The following FTCDNL1 variants were observed in gnomAD, a reference collection of about 807,000 sequenced individuals.
The protein encoded by FTCDNL1 is formiminotransferase cyclodeaminase N-terminal like.
In FTCDNL1, 11 loss-of-function variants were observed where a neutral mutation model predicts 5.9. The observed-to-expected ratio is 1.87, with a 90% CI of 1.18 to 3.10. The LOEUF (loss-of-function observed/expected upper bound fraction) is 3.10, where lower values mean the gene tolerates loss of function less well. Ranked by LOEUF, FTCDNL1 falls within the 30% of genes most tolerant of loss-of-function variation. The pLI, the probability that FTCDNL1 is intolerant of heterozygous loss-of-function variation, is 0.00. For missense variants in FTCDNL1, 115 were observed against 65.5 expected (o/e 1.76, Z -2.61); for synonymous variants, 58 against 24.8 (o/e 2.34, Z -3.99).
At chr2:199,824,155 G>C (rs1039603941) in intron 3 of FTCDNL1, among the ~76,000 whole-genome samples, 1 of 152,164 alleles carries the variant, frequency 6.6e-6, no homozygotes, top group African/African-American at 2.4e-5. Context: ...CAGGCTCCTG[G>C]GTAACTTGTT....
chr2:199,773,200 T>A (rs1430233196), intron 3 of FTCDNL1, among the ~76,000 whole-genome samples: 1 of 152,148 alleles, frequency 6.6e-6, no homozygotes, highest in African/African-American at 2.4e-5. Flanking sequence ...AACTCTTCAC[T>A]CTCAAGCCAA....
the FTCDNL1 span, among the ~76,000 whole-genome samples, chr2:199,697,724 A>G: frequency 6.6e-6 from 1 of 152,170 alleles, no homozygotes; most frequent in Non-Finnish European, 1.5e-5. Context: ...TACACAATCA[A>G]CTCTACATAA....
At chr2:199,822,014 A>G (rs983874337) in intron 3 of FTCDNL1, among the ~76,000 whole-genome samples, 1 of 152,252 alleles carries the variant, frequency 6.6e-6, no homozygotes, top group Non-Finnish European at 1.5e-5. Flanking sequence ...TTGGTTTCCC[A>G]GTGCATATAA....
the FTCDNL1 span, among the ~76,000 whole-genome samples, chr2:199,733,364 GTA>G: frequency 1.3e-5 from 2 of 152,204 alleles, no homozygotes; most frequent in Non-Finnish European, 2.9e-5. Flanking sequence ...ACAGAGGCTA[GTA>G]ATGGTGCAAG....
intron 4 of FTCDNL1, among the ~76,000 whole-genome samples, chr2:199,814,762 C>A (rs1357053055): frequency 1.3e-5 from 2 of 152,178 alleles, no homozygotes; most frequent in Non-Finnish European, 2.9e-5. Flanking sequence ...TAAAAATAGG[C>A]TCCCTAAAAC....
At chr2:199,771,828 T>C (rs945248430) in intron 3 of FTCDNL1, among the ~76,000 whole-genome samples, 5 of 152,204 alleles carry the variant, frequency 3.3e-5, no homozygotes, top group Admixed American at 3.3e-4. Context: ...AATATACTAC[T>C]TCCCCCCTTA....
At chr2:199,725,917 T>A in the FTCDNL1 span, among the ~76,000 whole-genome samples, 1 of 152,226 alleles carries the variant, frequency 6.6e-6, no homozygotes, top group African/African-American at 2.4e-5. Context: ...ATTTCCTGAA[T>A]TTGAATGTTG....
At chr2:199,685,634 C>A in the FTCDNL1 span, among the ~76,000 whole-genome samples, 1 of 152,156 alleles carries the variant, frequency 6.6e-6, no homozygotes, top group Admixed American at 6.5e-5. Context: ...GTTACCCAGA[C>A]AAGTTGCAAT....
chr2:199,836,360 C>T (rs748773830), intron 3 of FTCDNL1, among the ~76,000 whole-genome samples: 15 of 151,928 alleles, frequency 9.9e-5, no homozygotes, highest in Non-Finnish European at 1.9e-4. Flanking sequence ...TTTGTAGAGA[C>T]GAGGTCTCCC....
At chr2:199,769,010 A>G (rs1475200250) in intron 3 of FTCDNL1, among the ~76,000 whole-genome samples, 1 of 152,086 alleles carries the variant, frequency 6.6e-6, no homozygotes, top group East Asian at 1.9e-4. Flanking sequence ...TGCTGCAATC[A>G]AGGGGACACT....
the FTCDNL1 span, among the ~76,000 whole-genome samples, chr2:199,705,718 T>C: frequency 5.9e-5 from 9 of 151,774 alleles, no homozygotes; most frequent in Admixed American, 5.2e-4. Context: ...GTAGATGCAC[T>C]TTATCAAGTT....
intron 3 of FTCDNL1, among the ~76,000 whole-genome samples, chr2:199,790,508 A>G (rs1316504620): frequency 6.6e-6 from 1 of 152,112 alleles, no homozygotes; most frequent in East Asian, 1.9e-4. Context: ...AAAAAAAAAA[A>G]AAAAAGTGTC....
chr2:199,840,338 T>G (rs925397383), intron 3 of FTCDNL1, among the ~76,000 whole-genome samples: 6 of 152,182 alleles, frequency 3.9e-5, no homozygotes, highest in African/African-American at 1.4e-4. Flanking sequence ...AAAATAATAA[T>G]AATGTTCTAA....
the FTCDNL1 span, among the ~76,000 whole-genome samples, chr2:199,747,450 CA>C: frequency 6.6e-6 from 1 of 152,162 alleles, no homozygotes; most frequent in Non-Finnish European, 1.5e-5. Context: ...TGTTCACACT[CA>C]CAGAGGGTTT....
the FTCDNL1 span, among the ~76,000 whole-genome samples, chr2:199,721,482 G>A: frequency 7.9e-5 from 12 of 152,228 alleles, no homozygotes; most frequent in African/African-American, 2.9e-4. Flanking sequence ...AGTATTCCAT[G>A]GTACACAGTA....
At chr2:199,684,823 A>G in the FTCDNL1 span, among the ~76,000 whole-genome samples, 1 of 152,208 alleles carries the variant, frequency 6.6e-6, no homozygotes, top group African/African-American at 2.4e-5. Context: ...CTCTTTCTGG[A>G]AATTATAATT....
chr2:199,688,230 C>CAAA, the FTCDNL1 span, among the ~76,000 whole-genome samples: 55,825 of 119,516 alleles, frequency 0.47, 13,415 homozygotes, highest in East Asian at 0.68. Flanking sequence ...GACTCTGTCT[C>CAAA]AAAAAAAAAA....
chr2:199,763,469 G>C (rs1383869537), intron 3 of FTCDNL1, among the ~76,000 whole-genome samples: 1 of 152,166 alleles, frequency 6.6e-6, no homozygotes, highest in East Asian at 1.9e-4. Flanking sequence ...AGGTTCACTG[G>C]GGATCTTCAT....
At chr2:199,760,919 T>C (rs112928873) in intron 3 of FTCDNL1, 23 of 696,738 alleles carry the variant, frequency 3.3e-5, no homozygotes, top group African/African-American at 2.3e-4. Context: ...CCCCCATTCC[T>C]TTCCTTGCTT....
Sources: gnomAD v4.1 joint callset for allele counts (sites outside exome capture counted in the v4.1 genomes callset) on GRCh38, gnomAD v4.1.1 for gene constraint, MANE v1.5 for transcripts, NCBI Gene and HGNC (gene_info 2026-07-23, HGNC 2026-07-21) for gene names.